Variants in PDE7B observed in about 807,000 individuals in gnomAD.
The protein encoded by PDE7B is 3',5'-cyclic-AMP phosphodiesterase 7B.
In PDE7B, 29 loss-of-function variants were observed where a neutral mutation model predicts 56.2. The observed-to-expected ratio is 0.52, with a 90% CI of 0.38 to 0.70. The LOEUF (loss-of-function observed/expected upper bound fraction) is 0.70, where lower values mean the gene tolerates loss of function less well. Among genes scored for constraint, PDE7B ranks in the 30% least tolerant of loss-of-function variants. The pLI, the probability that PDE7B is intolerant of heterozygous loss-of-function variation, is 0.00. For missense variants in PDE7B, 490 were observed against 565.0 expected, an observed-to-expected ratio of 0.87 and a Z score of 1.35; for synonymous variants, 197 against 196.9, an observed-to-expected ratio of 1.00 and a Z score of 0.00.
intron 11 of PDE7B, among the ~76,000 whole-genome samples, chr6:136,182,352 T>C (rs530549881): frequency 6.6e-6 from 1 of 152,302 alleles, no homozygotes; most frequent in South Asian, 2.1e-4. Flanking sequence ...TCAGCTCTAG[T>C]TGCCCCTAAA....
chr6:135,956,797 AAGAC>A (rs984380644), intron 2 of PDE7B, among the ~76,000 whole-genome samples: 13 of 152,014 alleles, frequency 8.6e-5, no homozygotes, highest in Admixed American at 3.9e-4. Context: ...AAAGAAAAGA[AAGAC>A]AGAAAGAGCA....
intron 12 of PDE7B, among the ~76,000 whole-genome samples, chr6:136,189,483 A>T (rs1779188245): frequency 6.6e-6 from 1 of 152,208 alleles, no homozygotes; most frequent in Non-Finnish European, 1.5e-5. Flanking sequence ...AGGCAGGAGG[A>T]TCACCTGAGC....
intron 3 of PDE7B, among the ~76,000 whole-genome samples, chr6:136,126,856 C>T (rs1004910271): frequency 6.6e-6 from 1 of 152,136 alleles, no homozygotes; most frequent in African/African-American, 2.4e-5. Context: ...TCAATGTATA[C>T]TGCTCAGGAG....
chr6:136,104,559 A>G (rs994703231), intron 2 of PDE7B, among the ~76,000 whole-genome samples: 1 of 152,204 alleles, frequency 6.6e-6, no homozygotes, highest in Non-Finnish European at 1.5e-5. Flanking sequence ...AAAGCAATTT[A>G]ATATCAGAAC....
intron 2 of PDE7B, among the ~76,000 whole-genome samples, chr6:136,088,450 G>A (rs1195937004): frequency 6.6e-6 from 1 of 152,134 alleles, no homozygotes; most frequent in Non-Finnish European, 1.5e-5. Context: ...CTGAATCCAG[G>A]AGAACACAGG....
intron 2 of PDE7B, chr6:136,038,478 CCAAA>C (rs1326807342): frequency 1.6e-6 from 2 of 1,289,782 alleles, no homozygotes; most frequent in Non-Finnish European, 2.0e-6. Flanking sequence ...CTGCAGGCGA[CCAAA>C]CAGAGAGGCA....
chr6:136,006,076 A>T (rs977519941), intron 2 of PDE7B, among the ~76,000 whole-genome samples: 3 of 151,682 alleles, frequency 2.0e-5, no homozygotes, highest in African/African-American at 7.3e-5. Context: ...GAAATTGGAA[A>T]TCATCATTCT....
chr6:135,986,824 T>A (rs1775383928), intron 2 of PDE7B, among the ~76,000 whole-genome samples: 1 of 152,244 alleles, frequency 6.6e-6, no homozygotes, highest in Non-Finnish European at 1.5e-5. Context: ...ACCAAGAATC[T>A]GATGAAATGG....
At chr6:135,990,712 A>G (rs1775464079) in intron 2 of PDE7B, among the ~76,000 whole-genome samples, 1 of 152,268 alleles carries the variant, frequency 6.6e-6, no homozygotes, top group Non-Finnish European at 1.5e-5. Context: ...TGTTCTCACC[A>G]CAAATAAGTG....
At position 136,175,692 on chromosome 6, in the gene PDE7B, C is replaced by T. The variant is rs1778965750; in HGVS notation, c.803+1804C>T. Among the ~76,000 whole-genome samples the T allele has an allele frequency of 5.9e-5, 9 of 151,986 alleles. No homozygotes were observed. The South Asian group carries it at 1.7e-3, about 28-fold the overall frequency. ...GTTAAATTAAAATGATTTTGTCAGC[C>T]GTATGGCATTATTGTATACCACTAC... On this transcript the variant is annotated intron_variant, in intron 9 of 12. Transcript: ENST00000308191.
chr6:135,979,272 G>A (rs1345853805), intron 2 of PDE7B, among the ~76,000 whole-genome samples: 1 of 151,502 alleles, frequency 6.6e-6, no homozygotes, highest in African/African-American at 2.4e-5. Context: ...TGCTGGATTC[G>A]GTTTGCCAGT....
At chr6:136,131,439 T>A (rs1265562269) in intron 3 of PDE7B, among the ~76,000 whole-genome samples, 1 of 151,616 alleles carries the variant, frequency 6.6e-6, no homozygotes, top group Non-Finnish European at 1.5e-5. Context: ...ACTATAAGGC[T>A]TGGCTCCAAA....
At chr6:136,171,316 A>C (rs1562512486) in intron 8 of PDE7B, among the ~76,000 whole-genome samples, 27 of 152,330 alleles carry the variant, frequency 1.8e-4, no homozygotes. Flanking sequence ...CTAAATGCCA[A>C]GGTGCTGGTC....
chr6:136,013,615 A>T (rs1021734553), intron 2 of PDE7B, among the ~76,000 whole-genome samples: 1 of 152,232 alleles, frequency 6.6e-6, no homozygotes, highest in Non-Finnish European at 1.5e-5. Flanking sequence ...CATAAGAGCA[A>T]ACTCATACCT....
intron 2 of PDE7B, among the ~76,000 whole-genome samples, chr6:136,036,869 A>G (rs941125865): frequency 1.3e-5 from 2 of 152,252 alleles, no homozygotes; most frequent in African/African-American, 4.8e-5. Context: ...GTGCAAGTTC[A>G]AATTGTTCCT....
intron 2 of PDE7B, among the ~76,000 whole-genome samples, chr6:136,006,428 A>AT (rs1775785435): frequency 6.6e-6 from 1 of 151,882 alleles, no homozygotes; most frequent in African/African-American, 2.4e-5. Context: ...TTTTTAAATC[A>AT]TTTTTTCTGG....
intron 1 of PDE7B, among the ~76,000 whole-genome samples, chr6:135,910,914 T>C (rs897868870): frequency 2.6e-5 from 4 of 152,278 alleles, no homozygotes; most frequent in Middle Eastern, 6.8e-3. Context: ...TTAGAAAATA[T>C]CTGACCATCA....
chr6:136,011,777 G>A (rs372097096), intron 2 of PDE7B, among the ~76,000 whole-genome samples: 1 of 152,138 alleles, frequency 6.6e-6, no homozygotes, highest in African/African-American at 2.4e-5. Flanking sequence ...CAGAGTGGCT[G>A]CACTTGGAAT....
At chr6:135,886,099 A>G (rs1775704227) in intron 1 of PDE7B, among the ~76,000 whole-genome samples, 2 of 152,186 alleles carry the variant, frequency 1.3e-5, no homozygotes, top group Admixed American at 6.5e-5. Context: ...CCTTGCTTCA[A>G]TCAGGACAGT....
Sources: gnomAD v4.1 joint callset for allele counts (sites outside exome capture counted in the v4.1 genomes callset) on GRCh38, gnomAD v4.1.1 for gene constraint, MANE v1.5 for transcripts, NCBI Gene and HGNC (gene_info 2026-07-23, HGNC 2026-07-21) for gene names.